TMEM272: variants seen among roughly 807,000 people sequenced by gnomAD.
TMEM272 encodes transmembrane protein 272.
Under a neutral mutation model 3.7 loss-of-function variants are expected in TMEM272, and 8 were observed. The observed-to-expected ratio is 2.17, with a 90% CI of 1.27 to 3.91. The LOEUF is 3.91. Among genes scored for constraint, TMEM272 ranks in the 30% most tolerant of loss-of-function variants. The probability of loss-of-function intolerance (pLI) is 0.00; values close to 1 mark genes in which losing one functional copy is unlikely to be tolerated. For synonymous variants in TMEM272, 63 were observed against 39.8 expected (o/e 1.58, Z -2.20); for missense variants, 166 against 91.5 (o/e 1.81, Z -3.32).
chr13:51,929,275 G>C, the TMEM272 span, among the ~76,000 whole-genome samples: 1 of 152,166 alleles, frequency 6.6e-6, no homozygotes, highest in Non-Finnish European at 1.5e-5. Context: ...TACGTTGACT[G>C]TCGAGTCATC....
At chr13:51,817,304 T>G (rs1468205762) in intron 4 of TMEM272, among the ~76,000 whole-genome samples, 191 bp from the exon 5 acceptor site, 3 of 152,178 alleles carry the variant, frequency 2.0e-5, no homozygotes, top group Non-Finnish European at 4.4e-5. Flanking sequence ...ATTTGAAGAA[T>G]AAGAATTAAA....
At chr13:51,909,199 T>G in the TMEM272 span, 1 of 1,320,210 alleles carries the variant, frequency 7.6e-7, no homozygotes, top group East Asian at 2.3e-5. Flanking sequence ...TTTTCTTTCC[T>G]TAAATCATTG....
the TMEM272 span, among the ~76,000 whole-genome samples, chr13:51,887,545 C>T: frequency 6.6e-6 from 1 of 152,244 alleles, no homozygotes; most frequent in Non-Finnish European, 1.5e-5. Context: ...CTGCCCAGGA[C>T]AGACAGGACA....
In TMEM272 at chr13:51,814,568, C is replaced by A. The variant is rs1163812494; in HGVS notation, c.*2183G>T. The A allele has an allele frequency of 6.6e-6, 1 of 152,218 alleles. No individual in the cohort carries two copies. The highest frequency in any genetic ancestry group is 6.5e-5 in the Admixed American group (1 of 15,282). The allele number at this position is 152,218 out of a possible 1,614,324, so 9.4% of individuals were successfully genotyped here. On this transcript the variant is annotated 3_prime_UTR_variant, in exon 5 of 5. Coordinates refer to ENST00000629372, the MANE Select transcript of TMEM272 (RefSeq NM_001351003.2). ...AACCAGGGAAGATGTATGACCTATA[C>A]AAAGAGATCATCACCTCTTCCTTAC...
At position 51,813,504 on chromosome 13, in the gene TMEM272, A is replaced by G. The variant is rs1955986563; in HGVS notation, c.*3247T>C. On this transcript the variant is annotated 3_prime_UTR_variant, in exon 5 of 5. Coordinates refer to ENST00000629372, the MANE Select transcript of TMEM272 (RefSeq NM_001351003.2). Reference sequence around the variant, plus strand: ...CACGAAGTACTGGAAGTGACATTATATTGTCCTCATGGTGACAACCAGGAT... The same window carrying G: ...CACGAAGTACTGGAAGTGACATTATGTTGTCCTCATGGTGACAACCAGGAT... The G allele has an allele frequency of 2.7e-6, 1 of 367,702 alleles. No individual in the cohort carries two copies. The highest frequency in any genetic ancestry group is 4.6e-5 in the Admixed American group (1 of 21,710). 22.8% of individuals were successfully genotyped at this position (367,702 alleles called of 1,614,324 possible).
chr13:51,909,715 C>A, the TMEM272 span: 1 of 1,546,432 alleles, frequency 6.5e-7, no homozygotes, highest in Non-Finnish European at 8.9e-7. Context: ...TCTAAGTAAG[C>A]ACCATCTTTC....
the TMEM272 span, chr13:51,930,706 C>T: frequency 1.3e-5 from 2 of 149,206 alleles, no homozygotes; most frequent in Non-Finnish European, 1.5e-5. Context: ...ATTGTATACA[C>T]ATTAGGAAAT....
the TMEM272 span, among the ~76,000 whole-genome samples, chr13:51,895,280 G>T: frequency 6.6e-6 from 1 of 152,200 alleles, no homozygotes; most frequent in East Asian, 1.9e-4. Flanking sequence ...GTGGGGAGCT[G>T]CAGAGAACCC....
At chr13:51,923,276 C>A in the TMEM272 span, among the ~76,000 whole-genome samples, 1 of 152,214 alleles carries the variant, frequency 6.6e-6, no homozygotes, top group African/African-American at 2.4e-5. Flanking sequence ...ATCTGGGCTG[C>A]GACTCAGTCC....
At chr13:51,870,794 C>T in the TMEM272 span, among the ~76,000 whole-genome samples, 12 of 152,124 alleles carry the variant, frequency 7.9e-5, no homozygotes, top group African/African-American at 2.7e-4. Context: ...TCCTGAAGCA[C>T]GGGGATAGAT....
chr13:51,899,299 T>C, the TMEM272 span, among the ~76,000 whole-genome samples: 1 of 152,058 alleles, frequency 6.6e-6, no homozygotes, highest in African/African-American at 2.4e-5. Flanking sequence ...ACAACATAGG[T>C]GCAAGGCTTC....
the TMEM272 span, among the ~76,000 whole-genome samples, chr13:51,900,190 C>T: frequency 2.0e-5 from 3 of 152,188 alleles, no homozygotes; most frequent in African/African-American, 7.2e-5. Context: ...AGCACATAAT[C>T]AAGAAAGTGA....
the TMEM272 span, among the ~76,000 whole-genome samples, chr13:51,864,580 C>T: frequency 2.0e-5 from 3 of 152,300 alleles, no homozygotes; most frequent in African/African-American, 7.2e-5. Flanking sequence ...GATATACTGC[C>T]ATTTTTTATT....
rs1490936302 is a variant in TMEM272, at chr13:51,838,494, T to C, written c.37A>G (p.Ile13Val). 8.5e-6 allele frequency: 6 copies of C among 702,922 alleles called. No individual in the cohort carries two copies. Among genetic ancestry groups the C allele is most frequent in the Non-Finnish European group, 1.6e-5 (6 of 385,014 alleles). 43.5% of individuals were successfully genotyped at this position (702,922 alleles called of 1,614,324 possible). A position where few individuals can be genotyped will look rare whatever the true frequency, so the allele number is the denominator to read the frequency against. The change falls in exon 2 of 5, where the codon ATT (isoleucine) becomes GTT (valine). Residue 13 changes from isoleucine to valine, a missense_variant. Physicochemically the swap from Ile to Val is conservative, Grantham distance 29. Coordinates refer to ENST00000629372, the MANE Select transcript of TMEM272 (RefSeq NM_001351003.2). The stretch of plus-strand genomic sequence containing the variant: ...TCACCATTGCTGGCGATTTTAGAAA[T>C]GCACTGATGACACGTTTTCTCCAGA... ...GGLEKTCHQC[I>V]SKIASNACFV...
At chr13:51,876,872 C>A in the TMEM272 span, among the ~76,000 whole-genome samples, 1 of 152,262 alleles carries the variant, frequency 6.6e-6, no homozygotes, top group African/African-American at 2.4e-5. Flanking sequence ...GTTTGAGGTG[C>A]AAGCTGGAGA....
the TMEM272 span, chr13:51,933,361 G>A: frequency 6.6e-6 from 1 of 152,188 alleles, no homozygotes; most frequent in Non-Finnish European, 1.5e-5. Context: ...GGTTGGTTGG[G>A]AGGATTAGAC....
Position 51,816,828 on chromosome 13 carries a change from C to T in TMEM272, c.487G>A (p.Val163Met), listed in dbSNP as rs1421772292. 1.4e-6 allele frequency: 1 copy of T among 703,046 alleles called. No homozygotes were observed. Among genetic ancestry groups the T allele is most frequent in the Admixed American group, 2.0e-5 (1 of 50,022 alleles). The allele number at this position is 703,046 out of a possible 1,614,324, so 43.6% of individuals were successfully genotyped here. A position where few individuals can be genotyped will look rare whatever the true frequency, so the allele number is the denominator to read the frequency against. The change falls in exon 5 of 5, where the codon GTG becomes ATG. Residue 163 changes from valine (V) to methionine (M), a missense_variant. Val to Met is a conservative substitution (Grantham distance 21). Transcript: ENST00000629372. ...AVGVLALSHT[V>M]LVLLLLCSGC... ...CTGCACAGCAGGAGCAAGACCAGCA[C>T]AGTGTGACTGAGCGCCAGGACTCCG... is the stretch of plus-strand genomic sequence containing the variant.
the TMEM272 span, among the ~76,000 whole-genome samples, chr13:51,922,904 T>C: frequency 6.6e-6 from 1 of 152,210 alleles, no homozygotes; most frequent in African/African-American, 2.4e-5. Flanking sequence ...AACACCCTTG[T>C]GATTATCTGG....
At chr13:51,870,029 G>A in the TMEM272 span, among the ~76,000 whole-genome samples, 21 of 152,256 alleles carry the variant, frequency 1.4e-4, no homozygotes, top group African/African-American at 4.3e-4. Flanking sequence ...CTCTGGATTC[G>A]ACAGCTGTTT....
Sources: allele counts gnomAD v4.1 joint callset (sites outside exome capture counted in the v4.1 genomes callset), GRCh38; gene constraint gnomAD v4.1.1; transcripts MANE v1.5; gene names NCBI Gene and HGNC (gene_info 2026-07-23, HGNC 2026-07-21).